STON1: variants seen among roughly 807,000 people sequenced by gnomAD.
STON1 encodes stonin 1.
A neutral mutation model predicts 60.9 loss-of-function variants in STON1; 79 were observed. The observed-to-expected ratio is 1.30, with a 90% CI of 1.08 to 1.56. The LOEUF (loss-of-function observed/expected upper bound fraction) is 1.56, where lower values mean the gene tolerates loss of function less well. Ranked by LOEUF, STON1 falls within the 40% of genes most tolerant of loss-of-function variation. The probability of loss-of-function intolerance (pLI) is 0.00; values close to 1 mark genes in which losing one functional copy is unlikely to be tolerated. For missense variants in STON1, 1,166 were observed against 858.9 expected (o/e 1.36, Z -4.47); for synonymous variants, 363 against 306.9 (o/e 1.18, Z -1.91).
intron 1 of STON1, among the ~76,000 whole-genome samples, chr2:48,544,069 C>T (rs915712610): frequency 2.0e-5 from 3 of 152,170 alleles, no homozygotes; most frequent in Non-Finnish European, 2.9e-5. Flanking sequence ...AGTCATTTAT[C>T]TGGGCCCTGT....
intron 1 of STON1, among the ~76,000 whole-genome samples, chr2:48,564,496 TTCTTCTTC>T (rs1672803101): frequency 4.8e-5 from 1 of 20,816 alleles, no homozygotes; most frequent in African/African-American, 2.2e-4. Flanking sequence ...CTTCTTCTTC[TTCTTCTTC>T]TTCTTCTTCT....
chr2:48,535,778 A>T (rs1671400987), intron 1 of STON1, among the ~76,000 whole-genome samples: 1 of 151,962 alleles, frequency 6.6e-6, no homozygotes, highest in Non-Finnish European at 1.5e-5. Flanking sequence ...GCAGTCAGTG[A>T]GCATTTGTGA....
At chr2:48,544,105 G>T (rs1424180550) in intron 1 of STON1, among the ~76,000 whole-genome samples, 1 of 152,154 alleles carries the variant, frequency 6.6e-6, no homozygotes, top group African/African-American at 2.4e-5. Flanking sequence ...CTCAGAACAT[G>T]TTGCTTTTTG....
chr2:48,538,593 C>T (rs189060008), intron 1 of STON1, among the ~76,000 whole-genome samples: 16 of 151,348 alleles, frequency 1.1e-4, no homozygotes, highest in African/African-American at 3.9e-4. Flanking sequence ...GAGAATCTAG[C>T]TTATATTTCT....
chr2:48,596,616 A>T lies in STON1; in HGVS notation c.*1314A>T, dbSNP rs1674791402. On this transcript the variant is annotated 3_prime_UTR_variant, in exon 4 of 4. Coordinates refer to ENST00000404752, the MANE Select transcript of STON1 (RefSeq NM_006873.4). ...CTAGATTTGTTTTGAGTCAAAACTG[A>T]TTTAGTGTTCTTCCAAACAACATTT... 6.6e-6 allele frequency: 1 copy of T among 152,136 alleles called. No homozygotes were observed. The highest frequency in any genetic ancestry group is 1.9e-4 in the East Asian group (1 of 5,194). The allele number at this position is 152,136 out of a possible 1,614,324, so 9.4% of individuals were successfully genotyped here.
intron 1 of STON1, among the ~76,000 whole-genome samples, chr2:48,554,563 G>C (rs1055911870): frequency 6.6e-6 from 1 of 152,172 alleles, no homozygotes; most frequent in Non-Finnish European, 1.5e-5. Flanking sequence ...GGAGGAAAGA[G>C]GTTAGCCTGC....
chr2:48,588,384 T>G (rs1272847676), intron 2 of STON1, among the ~76,000 whole-genome samples: 1 of 152,246 alleles, frequency 6.6e-6, no homozygotes, highest in Non-Finnish European at 1.5e-5. Context: ...AAATGGAAAC[T>G]GAATGAATAG....
At position 48,581,491 on chromosome 2, in the gene STON1, G is replaced by A; in HGVS notation, c.858G>A (p.Lys286=). The change falls in exon 2 of 4, where the codon AAG becomes AAA. Residue 286 remains lysine (K), a synonymous_variant. Transcript: ENST00000404752. ...WSFMLRIPEK[K]NMMSSRQWGP... ...TCATGCTGAGAATTCCTGAGAAGAAGAATATGATGTCTTCCCGGCAATGGG... is the reference window on the plus strand; with the variant it reads ...TCATGCTGAGAATTCCTGAGAAGAAAAATATGATGTCTTCCCGGCAATGGG... 1 of 1,614,236 alleles carries A rather than the reference G, an allele frequency of 6.2e-7. No homozygotes were observed. The highest frequency in any genetic ancestry group is 8.5e-7 in the Non-Finnish European group (1 of 1,180,042).
intron 1 of STON1, among the ~76,000 whole-genome samples, chr2:48,545,753 T>G (rs1671839504): frequency 6.6e-6 from 1 of 152,232 alleles, no homozygotes; most frequent in Non-Finnish European, 1.5e-5. Flanking sequence ...AGCACTGACC[T>G]CACTTTGTTT....
intron 2 of STON1, among the ~76,000 whole-genome samples, chr2:48,589,018 T>C (rs1674366874): frequency 6.6e-6 from 1 of 152,182 alleles, no homozygotes; most frequent in Non-Finnish European, 1.5e-5. Context: ...CAAATGAGGA[T>C]GCTGGTTAGC....
chr2:48,575,108 T>C (rs1156523183), intron 1 of STON1, among the ~76,000 whole-genome samples: 1 of 152,252 alleles, frequency 6.6e-6, no homozygotes, highest in African/African-American at 2.4e-5. Context: ...AGAGGAGTCA[T>C]GTAGGATTTG....
chr2:48,584,470 G>T (rs1414909404), intron 2 of STON1, among the ~76,000 whole-genome samples: 1 of 151,926 alleles, frequency 6.6e-6, no homozygotes, highest in Non-Finnish European at 1.5e-5. Flanking sequence ...GTTTTCCCAT[G>T]TTGGCCAGAC....
At chr2:48,561,075 T>C (rs1321370816) in intron 1 of STON1, among the ~76,000 whole-genome samples, 4 of 152,200 alleles carry the variant, frequency 2.6e-5, no homozygotes, top group Non-Finnish European at 5.9e-5. Context: ...GCTTTACCCA[T>C]TGTCTTGCAT....
At chr2:48,588,738 G>A in intron 2 of STON1, among the ~76,000 whole-genome samples, 1 of 152,088 alleles carries the variant, frequency 6.6e-6, no homozygotes, top group East Asian at 1.9e-4. Flanking sequence ...GAGGGATCAG[G>A]ATTGACCTTT....
At chr2:48,589,471 A>G (rs1023229115) in intron 2 of STON1, among the ~76,000 whole-genome samples, 1 of 152,238 alleles carries the variant, frequency 6.6e-6, no homozygotes, top group South Asian at 2.1e-4. Flanking sequence ...ACATTGTGCT[A>G]AGGACAGACA....
chr2:48,555,312 C>CGGG (rs562013562), intron 1 of STON1, among the ~76,000 whole-genome samples: 3 of 11,882 alleles, frequency 2.5e-4, no homozygotes, highest in Non-Finnish European at 5.1e-4. Flanking sequence ...GCTGGCCGGG[C>CGGG]GGGGGGGGCT....
intron 1 of STON1, among the ~76,000 whole-genome samples, chr2:48,533,070 A>G (rs1166073469): frequency 6.6e-6 from 1 of 152,018 alleles, no homozygotes; most frequent in African/African-American, 2.4e-5. Flanking sequence ...CTGGGCAACA[A>G]AGTGAGACCC....
chr2:48,544,887 GT>G (rs1671803766), intron 1 of STON1, among the ~76,000 whole-genome samples: 1 of 152,192 alleles, frequency 6.6e-6, no homozygotes, highest in Non-Finnish European at 1.5e-5. Context: ...GTTGGCATTG[GT>G]TTAATGTTAA....
chr2:48,553,272 C>G (rs979476480), intron 1 of STON1, among the ~76,000 whole-genome samples: 3 of 152,180 alleles, frequency 2.0e-5, no homozygotes, highest in South Asian at 2.1e-4. Flanking sequence ...GTTGCTGTGC[C>G]TTGGAAAACC....
Sources: gnomAD v4.1 joint callset for allele counts (sites outside exome capture counted in the v4.1 genomes callset) on GRCh38, gnomAD v4.1.1 for gene constraint, MANE v1.5 for transcripts, NCBI Gene and HGNC (gene_info 2026-07-23, HGNC 2026-07-21) for gene names.